The following DCAF1 variants were observed in gnomAD, a reference collection of about 807,000 sequenced individuals.
The protein encoded by DCAF1 is DDB1 and CUL4 associated factor 1, also known as DDB1- and CUL4-associated factor 1.
Under a neutral mutation model 128.0 loss-of-function variants are expected in DCAF1, and 15 were observed. That is an observed-to-expected ratio of 0.12 (90% CI 0.08 to 0.18). DCAF1 has a LOEUF of 0.18. DCAF1 is among the 10% of genes least tolerant of loss of function. The pLI is 1.00. For synonymous variants in DCAF1, 610 were observed against 603.0 expected, an observed-to-expected ratio of 1.01 and a Z score of -0.17; for missense variants, 988 against 1,649.5, an observed-to-expected ratio of 0.60 and a Z score of 6.95.
intron 6 of DCAF1, among the ~76,000 whole-genome samples, chr3:51,457,611 T>C (rs1703066211): frequency 6.6e-6 from 1 of 152,084 alleles, no homozygotes; most frequent in Non-Finnish European, 1.5e-5. Context: ...CACATAATTG[T>C]CAGATTCACC....
At chr3:51,460,075 G>A (rs1174146616) in intron 6 of DCAF1, among the ~76,000 whole-genome samples, 3 of 152,060 alleles carry the variant, frequency 2.0e-5, no homozygotes, top group African/African-American at 7.2e-5. Flanking sequence ...GGCAGGAGAA[G>A]GAAATAAAGG....
chr3:51,401,954 A>G (rs1274135189), intron 24 of DCAF1, among the ~76,000 whole-genome samples: 1 of 152,004 alleles, frequency 6.6e-6, no homozygotes, highest in African/African-American at 2.4e-5. Context: ...TATAGAAGAC[A>G]CTCCCCTACC....
At chr3:51,402,500 T>C (rs1366180532) in intron 24 of DCAF1, among the ~76,000 whole-genome samples, 1 of 151,428 alleles carries the variant, frequency 6.6e-6, no homozygotes, top group Non-Finnish European at 1.5e-5. Flanking sequence ...GGATTGTCTA[T>C]GACTGCTTTC....
chr3:51,475,148 T>C (rs1227810833), intron 3 of DCAF1, among the ~76,000 whole-genome samples: 1 of 151,994 alleles, frequency 6.6e-6, no homozygotes, highest in Non-Finnish European at 1.5e-5. Context: ...CAGGCTGGTC[T>C]TGAACTCCTG....
downstream of DCAF1, chr3:51,396,092 G>A (rs1045537409): frequency 2.2e-5 from 9 of 410,770 alleles, no homozygotes; most frequent in Non-Finnish European, 3.6e-5. Flanking sequence ...GGCCAGAGCT[G>A]CCTTGGTATG....
chr3:51,465,726 C>T (rs1704062277), intron 5 of DCAF1, among the ~76,000 whole-genome samples: 1 of 152,092 alleles, frequency 6.6e-6, no homozygotes, highest in South Asian at 2.1e-4. Context: ...GCCTGGGCAA[C>T]AAAAGCGAAA....
At chr3:51,396,023 C>T (rs1437527845), downstream of DCAF1, 5 of 412,380 alleles carry the variant, frequency 1.2e-5, no homozygotes, top group Non-Finnish European at 2.2e-5. Flanking sequence ...GGGTCTTGTC[C>T]TGTTGCAGGC....
At chr3:51,449,096 G>A (rs1702134699) in intron 6 of DCAF1, among the ~76,000 whole-genome samples, 1 of 152,180 alleles carries the variant, frequency 6.6e-6, no homozygotes. Flanking sequence ...TAACTAATGA[G>A]TCAAAGAAAT....
At chr3:51,446,885 G>A (rs782028382) in intron 6 of DCAF1, among the ~76,000 whole-genome samples, 3 of 149,092 alleles carry the variant, frequency 2.0e-5, no homozygotes, top group Non-Finnish European at 3.0e-5. Context: ...CGCTGAGCCC[G>A]GAAGGTGGAG....
At chr3:51,432,243 C>T (rs1197867263) in intron 10 of DCAF1, among the ~76,000 whole-genome samples, 26 of 138,270 alleles carry the variant, frequency 1.9e-4, no homozygotes, top group African/African-American at 6.5e-4. Context: ...TGCACTCCAA[C>T]CTGGGAGACA....
At chr3:51,402,896 C>T (rs1553625367) in intron 24 of DCAF1, among the ~76,000 whole-genome samples, 1 of 152,092 alleles carries the variant, frequency 6.6e-6, no homozygotes, top group East Asian at 1.9e-4. Flanking sequence ...ACTGTCTGAT[C>T]TTACAGAAAA....
chr3:51,396,247 A>ACACTT (rs1165382308), downstream of DCAF1: 2 of 261,204 alleles, frequency 7.7e-6, no homozygotes, highest in South Asian at 1.8e-4. Flanking sequence ...CCTAGAGAAG[A>ACACTT]CACTTCAACC....
intron 6 of DCAF1, among the ~76,000 whole-genome samples, chr3:51,454,388 G>A (rs1702670042): frequency 6.6e-6 from 1 of 152,058 alleles, no homozygotes; most frequent in Non-Finnish European, 1.5e-5. Context: ...TTGAGATGGA[G>A]TCTCACTCTG....
At chr3:51,452,420 T>C (rs1227610433) in intron 6 of DCAF1, among the ~76,000 whole-genome samples, 1 of 152,198 alleles carries the variant, frequency 6.6e-6, no homozygotes, top group Non-Finnish European at 1.5e-5. Context: ...CAGATCATCA[T>C]GTAATCAAGT....
At chr3:51,472,608 C>T (rs1434241077) in intron 3 of DCAF1, among the ~76,000 whole-genome samples, 1 of 152,058 alleles carries the variant, frequency 6.6e-6, no homozygotes, top group African/African-American at 2.4e-5. Flanking sequence ...TAACTTTCAC[C>T]TAGCATGCTT....
chr3:51,396,195 G>A (rs1019560971), downstream of DCAF1: 11 of 357,682 alleles, frequency 3.1e-5, no homozygotes, highest in Admixed American at 9.6e-5. Context: ...TCCCAGCTTT[G>A]TGAGACAGAA....
intron 2 of DCAF1, among the ~76,000 whole-genome samples, chr3:51,484,688 T>C (rs1355820248): frequency 2.0e-5 from 3 of 148,324 alleles, no homozygotes; most frequent in Admixed American, 6.7e-5. Context: ...TTTTCTTTTT[T>C]TTTTTTTTTT....
chr3:51,460,998 T>A (rs1447475127), intron 6 of DCAF1, among the ~76,000 whole-genome samples: 1 of 152,126 alleles, frequency 6.6e-6, no homozygotes, highest in South Asian at 2.1e-4. Context: ...GACACAGGCA[T>A]GGGCAAGGAC....
intron 3 of DCAF1, among the ~76,000 whole-genome samples, chr3:51,477,381 T>G (rs1251788928): frequency 6.6e-6 from 1 of 150,878 alleles, no homozygotes; most frequent in African/African-American, 2.4e-5. Context: ...GACCCACAAT[T>G]TGGTGAAGGA....
Sources: allele counts gnomAD v4.1 joint callset (sites outside exome capture counted in the v4.1 genomes callset), GRCh38; gene constraint gnomAD v4.1.1; transcripts MANE v1.5; gene names NCBI Gene and HGNC (gene_info 2026-07-23, HGNC 2026-07-21).